Variants in SPATA13 observed in about 807,000 individuals in gnomAD.
The protein encoded by SPATA13 is spermatogenesis associated 13.
In SPATA13, 50 loss-of-function variants were observed where a neutral mutation model predicts 104.0. The ratio of observed to expected loss-of-function variants is 0.48; its 90% confidence interval spans 0.38 to 0.61. The LOEUF is 0.61. Among genes scored for constraint, SPATA13 ranks in the 20% least tolerant of loss-of-function variants. SPATA13 has a pLI of 0.00. For synonymous variants in SPATA13, 606 were observed against 667.5 expected (o/e 0.91, Z 1.42); for missense variants, 1,524 against 1,690.6 (o/e 0.90, Z 1.73).
intron 1 of SPATA13, 88 bp from the exon 2 acceptor site, chr13:24,222,731 C>G (rs951449183): frequency 1.2e-5 from 13 of 1,130,384 alleles, no homozygotes; most frequent in Non-Finnish European, 1.6e-5. Flanking sequence ...TCTGACCAGC[C>G]CTGTGCTGGA....
rs575649115 is a variant in SPATA13, at chr13:24,139,729, G to A, written c.-111-83090G>A. ...CCATGGCACTGCTTAGCTACATGAT[G>A]TAGAACGATCTGCTTAATTGATGTA... On this transcript the variant is annotated intron_variant, in intron 3 of 14. Coordinates refer to the SPATA13 transcript ENST00000424834. Among the ~76,000 whole-genome samples the A allele has an allele frequency of 9.2e-4, 140 of 152,334 alleles. 1 individual carries two copies. In the South Asian group the frequency reaches 0.027, roughly 29 times the overall value.
chr13:24,222,011 T>A (rs1466726214), intron 1 of SPATA13, among the ~76,000 whole-genome samples: 1 of 152,016 alleles, frequency 6.6e-6, no homozygotes, highest in African/African-American at 2.4e-5. Context: ...TGAGGTTTCA[T>A]GATATTGGCC....
intron 4 of SPATA13, among the ~76,000 whole-genome samples, chr13:24,268,970 A>T (rs1356403332): frequency 6.6e-6 from 1 of 152,216 alleles, no homozygotes; most frequent in South Asian, 2.1e-4. Context: ...ACGATATAGT[A>T]TATAGTCAAC....
At chr13:24,020,107 C>T (rs1196040037) in intron 3 of SPATA13, among the ~76,000 whole-genome samples, 1 of 152,196 alleles carries the variant, frequency 6.6e-6, no homozygotes, top group Non-Finnish European at 1.5e-5. Context: ...CAGACTTAAC[C>T]AGCTGCATAC....
intron 2 of SPATA13, among the ~76,000 whole-genome samples, chr13:24,014,878 G>GTTTT (rs1876635311): frequency 2.4e-4 from 19 of 78,682 alleles, no homozygotes; most frequent in Non-Finnish European, 4.0e-4. Context: ...GCACTTTCTG[G>GTTTT]ATTTTTTTTT....
chr13:23,998,444 G>A (rs1875797235), intron 2 of SPATA13, among the ~76,000 whole-genome samples: 3 of 152,274 alleles, frequency 2.0e-5, no homozygotes, highest in South Asian at 2.1e-4. Flanking sequence ...GCAGTTGAGA[G>A]TGTTTTATAA....
chr13:24,105,697 C>A (rs558611432), intron 3 of SPATA13, among the ~76,000 whole-genome samples: 36 of 152,228 alleles, frequency 2.4e-4, no homozygotes, highest in African/African-American at 7.5e-4. Flanking sequence ...TTGTGTCCCC[C>A]CTAACATTCA....
chr13:24,294,898 T>C (rs1297015820), intron 10 of SPATA13, 30 bp downstream of exon 10: 3 of 1,588,212 alleles, frequency 1.9e-6, no homozygotes, highest in Non-Finnish European at 2.6e-6. Flanking sequence ...CATGATCCCA[T>C]GCCACTCGCC....
At chr13:24,180,120 A>T (rs1017137277) in intron 1 of SPATA13, among the ~76,000 whole-genome samples, 2 of 152,136 alleles carry the variant, frequency 1.3e-5, no homozygotes, top group African/African-American at 2.4e-5. Flanking sequence ...ATTTTTGTCT[A>T]AGAGTTTTAT....
rs1047009208 is a variant in SPATA13 at position 24,152,719 on chromosome 13, CTGCTCA to C, written c.-111-70098_-111-70093del. 3.4e-4 allele frequency among the ~76,000 whole-genome samples: 52 copies of C among 152,326 alleles called. 1 individual carries two copies. The highest frequency in any genetic ancestry group is 6.2e-4 in the South Asian group (3 of 4,824). On this transcript the variant is annotated intron_variant, in intron 3 of 14. Coordinates refer to the SPATA13 transcript ENST00000424834. The stretch of plus-strand genomic sequence containing the variant: ...CCATCACCCGTTCTTCAAATATGAG[CTGCTCA>C]TTCATCAGGCTTGTGTTGGATGGTC...
At chr13:24,263,888 GCT>G (rs1874175402) in intron 4 of SPATA13, among the ~76,000 whole-genome samples, 1 of 152,192 alleles carries the variant, frequency 6.6e-6, no homozygotes, top group Non-Finnish European at 1.5e-5. Context: ...TCTTCTGACT[GCT>G]GTGAGACAGC....
chr13:24,163,041 C>T (rs1041939079), intron 1 of SPATA13, among the ~76,000 whole-genome samples: 1 of 152,232 alleles, frequency 6.6e-6, no homozygotes, highest in Non-Finnish European at 1.5e-5. Context: ...TGGGCTGTCA[C>T]CTCATCCATG....
chr13:24,201,598 A>G (rs1453042577), intron 1 of SPATA13, among the ~76,000 whole-genome samples: 2 of 151,956 alleles, frequency 1.3e-5, no homozygotes, highest in African/African-American at 4.8e-5. Flanking sequence ...GTGCCACCAC[A>G]CTCAGCTAAT....
At position 24,259,698 on chromosome 13, in the gene SPATA13, A is replaced by C. The variant is rs142774286; in HGVS notation, c.2164+7836A>C. ...ATGATACTTTGATGAGCTTAAAATT[A>C]TTGGGAAATGCTATAGGAGGGGCCA... On this transcript the variant is annotated intron_variant, in intron 4 of 12. Transcript: ENST00000382108. 3.9e-5 allele frequency among the ~76,000 whole-genome samples: 6 copies of C among 152,352 alleles called. No individual in the cohort carries two copies. The East Asian group carries it at 1.2e-3, about 29-fold the overall frequency.
chr13:24,000,317 A>G (rs1180678496), intron 2 of SPATA13, among the ~76,000 whole-genome samples: 1 of 152,170 alleles, frequency 6.6e-6, no homozygotes. Context: ...TGATACAAAG[A>G]TAGAAAAGGT....
chr13:24,287,190 T>C (rs900718383), intron 7 of SPATA13, among the ~76,000 whole-genome samples: 5 of 152,154 alleles, frequency 3.3e-5, no homozygotes, highest in African/African-American at 1.2e-4. Flanking sequence ...AGATAGGGTC[T>C]TGCTCTGTCA....
In SPATA13 at chr13:24,044,715, G is replaced by A. The variant is rs148059662; in HGVS notation, c.-112+27014G>A. ...TCTTCTAGTTATTTTGAAATATACAGTACATTATTGTTAACTATAGTCATT... is the reference window on the plus strand; with the variant it reads ...TCTTCTAGTTATTTTGAAATATACAATACATTATTGTTAACTATAGTCATT... On this transcript the variant is annotated intron_variant, in intron 3 of 14. Coordinates refer to the SPATA13 transcript ENST00000424834. Among the ~76,000 whole-genome samples, 319 of 151,942 alleles carry A rather than the reference G, an allele frequency of 2.1e-3. 1 individual carries two copies. Among genetic ancestry groups the A allele is most frequent in the African/African-American group, 7.4e-3 (307 of 41,496 alleles).
intron 2 of SPATA13, among the ~76,000 whole-genome samples, chr13:24,225,348 C>T (rs1566160790): frequency 6.6e-6 from 1 of 152,246 alleles, no homozygotes; most frequent in Non-Finnish European, 1.5e-5. Context: ...GGACCAGATG[C>T]ACTGTAGCTG....
intron 2 of SPATA13, among the ~76,000 whole-genome samples, chr13:23,994,088 C>G (rs1392175219): frequency 6.6e-6 from 1 of 151,072 alleles, no homozygotes; most frequent in South Asian, 2.1e-4. Flanking sequence ...TTGCCAGTGA[C>G]GGATATTCTT....
Sources: allele counts gnomAD v4.1 joint callset (sites outside exome capture counted in the v4.1 genomes callset), GRCh38; gene constraint gnomAD v4.1.1; transcripts MANE v1.5; gene names NCBI Gene and HGNC (gene_info 2026-07-23, HGNC 2026-07-21).